LAMC1: variants seen among roughly 807,000 people sequenced by gnomAD.
The protein encoded by LAMC1 is laminin subunit gamma 1.
In LAMC1, 38 loss-of-function variants were observed where a neutral mutation model predicts 173.6. That is an observed-to-expected ratio of 0.22 (90% CI 0.17 to 0.29). The LOEUF is 0.29. Ranked by LOEUF, LAMC1 falls within the 10% of genes least tolerant of loss-of-function variation. The pLI, the probability that LAMC1 is intolerant of heterozygous loss-of-function variation, is 1.00. For synonymous variants in LAMC1, 746 were observed against 749.1 expected, an observed-to-expected ratio of 1.00 and a Z score of 0.07; for missense variants, 1,824 against 2,051.8, an observed-to-expected ratio of 0.89 and a Z score of 2.14.
At position 183,027,221 on chromosome 1, in the gene LAMC1, G is replaced by T. The variant is rs187412592; in HGVS notation, c.418+3087G>T. 3.3e-5 allele frequency among the ~76,000 whole-genome samples: 5 copies of T among 152,302 alleles called. No individual in the cohort carries two copies. The East Asian group carries it at 9.6e-4, about 29-fold the overall frequency. ...TGCAGTGCATCCTCGGATAAAAAGA[G>T]TTAAAGTTGCTATGGGAACCAGAAT... On this transcript the variant is annotated intron_variant, in intron 1 of 27. Transcript: ENST00000258341.
chr1:183,026,484 CAT>C (rs1391694243), intron 1 of LAMC1, among the ~76,000 whole-genome samples: 1 of 152,008 alleles, frequency 6.6e-6, no homozygotes. Context: ...GGCAAGGTGT[CAT>C]GTGTCACTGT....
intron 1 of LAMC1, among the ~76,000 whole-genome samples, chr1:183,047,869 A>C (rs992835712): frequency 3.3e-5 from 5 of 152,230 alleles, no homozygotes; most frequent in Non-Finnish European, 4.4e-5. Context: ...CTTTACACAT[A>C]AACAGTTTTT....
At chr1:183,110,810 A>G (rs1375702468) in intron 4 of LAMC1, among the ~76,000 whole-genome samples, 156 bp downstream of exon 4, 2 of 152,196 alleles carry the variant, frequency 1.3e-5, no homozygotes, top group Non-Finnish European at 2.9e-5. Context: ...GAGGAAAGTC[A>G]TAGATGAGGG....
chr1:183,097,008 T>A (rs1655710836), intron 1 of LAMC1, among the ~76,000 whole-genome samples: 1 of 152,172 alleles, frequency 6.6e-6, no homozygotes, highest in Non-Finnish European at 1.5e-5. Flanking sequence ...ATCATCTGCC[T>A]GTGTCTGCTT....
chr1:183,140,511 G>C lies in LAMC1; in HGVS notation c.4573+8G>C. 1.3e-6 allele frequency: 2 copies of C among 1,579,438 alleles called. No individual in the cohort carries two copies. The highest frequency in any genetic ancestry group is 1.7e-6 in the Non-Finnish European group (2 of 1,149,622). ...ACCTCTTGGAGCAGCTGGGTACGTA[G>C]CCATAGAGTCATTTTTGTCAGTCTC... On this transcript the variant is annotated splice_region_variant and intron_variant, in intron 27 of 27. Transcript: ENST00000258341.
intron 21 of LAMC1, among the ~76,000 whole-genome samples, chr1:183,132,751 T>C (rs1006987140): frequency 1.9e-4 from 29 of 152,042 alleles, no homozygotes; most frequent in Non-Finnish European, 3.1e-4. Context: ...CTACAGAGAA[T>C]AGTAACAAGA....
At chr1:183,031,971 A>G (rs1330373038) in intron 1 of LAMC1, among the ~76,000 whole-genome samples, 1 of 152,146 alleles carries the variant, frequency 6.6e-6, no homozygotes, top group Non-Finnish European at 1.5e-5. Flanking sequence ...CCCTGCTGGA[A>G]TTTGCAAGCA....
intron 23 of LAMC1, 85 bp from the exon 24 acceptor site, chr1:183,134,957 G>A (rs1181079624): frequency 2.2e-5 from 29 of 1,346,660 alleles, no homozygotes; most frequent in Non-Finnish European, 3.0e-5. Context: ...GTCTCAGGGT[G>A]GCACCTCTGG....
At chr1:183,132,731 A>G (rs951108184) in intron 21 of LAMC1, among the ~76,000 whole-genome samples, 194 bp downstream of exon 21, 19 of 152,180 alleles carry the variant, frequency 1.2e-4, no homozygotes, top group Admixed American at 9.2e-4. Context: ...GTTTGATTCA[A>G]TTACTGTAAC....
chr1:183,087,216 T>C (rs1266856935), intron 1 of LAMC1, among the ~76,000 whole-genome samples: 1 of 152,184 alleles, frequency 6.6e-6, no homozygotes, highest in East Asian at 1.9e-4. Flanking sequence ...TGTTTGTAAA[T>C]TGAATGAATC....
At chr1:183,052,187 T>C (rs1654444336) in intron 1 of LAMC1, among the ~76,000 whole-genome samples, 1 of 152,136 alleles carries the variant, frequency 6.6e-6, no homozygotes, top group Admixed American at 6.5e-5. Context: ...GCTAGCTACC[T>C]ATCCATTTTT....
Position 183,125,419 on chromosome 1 carries a change from G to A in LAMC1, c.2670G>A (p.Gly890=). 6.2e-7 allele frequency: 1 copy of A among 1,614,118 alleles called. No homozygotes were observed. Among genetic ancestry groups the A allele is most frequent in the Non-Finnish European group, 8.5e-7 (1 of 1,180,000 alleles). Reference sequence around the variant, plus strand: ...TAGCCTGCAATTGCAATCTGTATGGGACCATGAAGCAGCAGAGCAGCTGTA... The same window carrying A: ...TAGCCTGCAATTGCAATCTGTATGGAACCATGAAGCAGCAGAGCAGCTGTA... ...KCKACNCNLY[G]TMKQQSSCNP... Residue 890 remains glycine, a synonymous_variant, in exon 15 of 28, where the codon GGG becomes GGA. Coordinates refer to ENST00000258341, the MANE Select transcript of LAMC1 (RefSeq NM_002293.4).
At chr1:183,088,020 T>G (rs1489922350) in intron 1 of LAMC1, among the ~76,000 whole-genome samples, 1 of 151,798 alleles carries the variant, frequency 6.6e-6, no homozygotes, top group Non-Finnish European at 1.5e-5. Context: ...TCTATGTTGG[T>G]CAGGCTGGTC....
In LAMC1 at chr1:183,072,766, G is replaced by A. The variant is rs114728353; in HGVS notation, c.419-30562G>A. Among the ~76,000 whole-genome samples, 810 of 152,280 alleles carry A rather than the reference G, an allele frequency of 5.3e-3. 4 individuals are homozygous for A. The highest frequency in any genetic ancestry group is 0.018 in the African/African-American group (759 of 41,568). On this transcript the variant is annotated intron_variant, in intron 1 of 27. Transcript: ENST00000258341. ...CCTTATGGCCTGAGCTCTGCCTTCT[G>A]TCAGGTCAGCTGCAGCATTAGATTC... is the stretch of plus-strand genomic sequence containing the variant.
intron 3 of LAMC1, among the ~76,000 whole-genome samples, 194 bp downstream of exon 3, chr1:183,108,600 ATCT>A (rs1381176799): frequency 2.0e-5 from 3 of 152,306 alleles, no homozygotes; most frequent in East Asian, 1.9e-4. Flanking sequence ...TCACTGTGAG[ATCT>A]TCTTGTTGTT....
rs910637504 is a variant in LAMC1 at position 183,108,504 on chromosome 1, A to G, written c.854+98A>G. The G allele has an allele frequency of 3.6e-6, 4 of 1,111,922 alleles. No homozygotes were observed. The African/African-American group carries it at 6.3e-5, about 18-fold the overall frequency. The allele number at this position is 1,111,922 out of a possible 1,614,324, so 68.9% of individuals were successfully genotyped here. A position where few individuals can be genotyped will look rare whatever the true frequency, so the allele number is the denominator to read the frequency against. ...ACAACTATGTTAATACCGTTGTTAG[A>G]TGTTTTCTTTACCAAGAATAGGAGC... On this transcript the variant is annotated intron_variant, in intron 3 of 27. Transcript: ENST00000258341.
In LAMC1 at chr1:183,131,319, T is replaced by C; in HGVS notation, c.3507T>C (p.Ser1169=). The C allele has an allele frequency of 6.2e-7, 1 of 1,613,976 alleles. No homozygotes were observed. Among genetic ancestry groups the C allele is most frequent in the Non-Finnish European group, 8.5e-7 (1 of 1,179,862 alleles). The change falls in exon 20 of 28, where the codon TCT becomes TCC. Residue 1169 remains serine, a synonymous_variant. Transcript: ENST00000258341. ...TGCAGTCAGTCACTCAGCCAGAATC[T>C]ACAGGGGACCCAAACAACATGACTC... ...AANVSVTQPE[S]TGDPNNMTLL...
intron 11 of LAMC1, among the ~76,000 whole-genome samples, chr1:183,118,364 A>G (rs1656379259): frequency 6.6e-6 from 1 of 152,212 alleles, no homozygotes; most frequent in Non-Finnish European, 1.5e-5. Context: ...TTATTTACTA[A>G]TTGATTACTC....
intron 1 of LAMC1, among the ~76,000 whole-genome samples, chr1:183,057,049 G>C (rs565886232): frequency 6.6e-6 from 1 of 152,180 alleles, no homozygotes; most frequent in African/African-American, 2.4e-5. Flanking sequence ...AAGAGTCTGC[G>C]CTTTCAGGGC....
Sources: allele counts gnomAD v4.1 joint callset (sites outside exome capture counted in the v4.1 genomes callset), GRCh38; gene constraint gnomAD v4.1.1; transcripts MANE v1.5; gene names NCBI Gene and HGNC (gene_info 2026-07-23, HGNC 2026-07-21).